The following CLCA4 variants were observed in gnomAD, a reference collection of about 807,000 sequenced individuals.
CLCA4 encodes chloride channel accessory 4, also known as calcium-activated chloride channel regulator 4.
CLCA4 carries 69 observed loss-of-function variants against 78.9 expected under a neutral mutation model. The observed-to-expected ratio is 0.87, with a 90% confidence interval of 0.72 to 1.07. The LOEUF (loss-of-function observed/expected upper bound fraction) is 1.07. Among genes scored for constraint, CLCA4 ranks in the 50% least tolerant of loss-of-function variants. The probability of loss-of-function intolerance (pLI) is 0.00; values close to 1 mark genes in which losing one functional copy is unlikely to be tolerated. For synonymous variants in CLCA4, 362 were observed against 375.8 expected, an observed-to-expected ratio of 0.96 and a Z score of 0.42; for missense variants, 1,133 against 1,095.8, an observed-to-expected ratio of 1.03 and a Z score of -0.48.
At chr1:86,562,391 A>T (rs1446735618) in intron 3 of CLCA4, among the ~76,000 whole-genome samples, 3 of 152,196 alleles carry the variant, frequency 2.0e-5, no homozygotes, top group Non-Finnish European at 4.4e-5. Context: ...ACCTGAAACC[A>T]GTGTTTTTAA....
chr1:86,575,559 T>G lies in CLCA4; in HGVS notation c.1911T>G (p.Asn637Lys). The change falls in exon 11 of 14, where the codon AAT becomes AAG. Residue 637 changes from asparagine to lysine, a missense_variant. Asn to Lys is a moderately conservative substitution (Grantham distance 94). Coordinates refer to ENST00000370563, the MANE Select transcript of CLCA4 (RefSeq NM_012128.4). Reference protein sequence around the residue: ...ANVTAFIESQNGHTEVLELLD... With the variant: ...ANVTAFIESQKGHTEVLELLD... ...TGACTGCTTTCATTGAATCACAGAA[T>G]GGACATACAGAAGTTTTGGAACTTT... 6.2e-7 allele frequency: 1 copy of G among 1,613,252 alleles called. No homozygotes were observed. The highest frequency in any genetic ancestry group is 8.5e-7 in the Non-Finnish European group (1 of 1,179,480).
chr1:86,565,492 T>C (rs1300405021), intron 5 of CLCA4, 41 bp downstream of exon 5: 5 of 1,417,756 alleles, frequency 3.5e-6, no homozygotes, highest in Non-Finnish European at 3.9e-6. Context: ...TATAATCAAA[T>C]GACATATTGT....
Position 86,559,838 on chromosome 1 carries a change from C to A in CLCA4, c.160-94C>A, listed in dbSNP as rs535376404. On this transcript the variant is annotated intron_variant, in intron 1 of 13. Coordinates refer to ENST00000370563, the MANE Select transcript of CLCA4 (RefSeq NM_012128.4). ...ACTCATCAGTCTGTTGCTTTTCTGT[C>A]CACTCTTAAGTTGGGAAATGCCTGT... 1.3e-4 allele frequency: 122 copies of A among 953,132 alleles called. No homozygotes were observed. In the African/African-American group the frequency reaches 1.7e-3, roughly 13 times the overall value. 59.0% of individuals were successfully genotyped at this position (953,132 alleles called of 1,614,324 possible). A position where few individuals can be genotyped will look rare whatever the true frequency, so the allele number is the denominator to read the frequency against.
In CLCA4 at chr1:86,567,606, T is replaced by C; in HGVS notation, c.1137T>C (p.Pro379=). 1 of 1,612,962 alleles carries C rather than the reference T, an allele frequency of 6.2e-7. No individual in the cohort carries two copies. The highest frequency in any genetic ancestry group is 8.5e-7 in the Non-Finnish European group (1 of 1,179,240). The change falls in exon 7 of 14, where the codon CCT becomes CCC. Residue 379 remains proline (P), a synonymous_variant. Transcript: ENST00000370563. ...TCATGGCAGGATTACCTACATATCC[T>C]CTGGGAGGAACTTCCATCTGCTCTG... ...NTLMAGLPTY[P]LGGTSICSGI...
chr1:86,556,399 T>C (rs79332778), intron 1 of CLCA4, among the ~76,000 whole-genome samples: 8,448 of 151,674 alleles, frequency 0.056, 334 homozygotes, highest in Middle Eastern at 0.14. Flanking sequence ...GTTATTGTGG[T>C]GTTGAATTAT....
intron 3 of CLCA4, 93 bp from the exon 4 acceptor site, chr1:86,563,568 A>G: frequency 5.2e-6 from 3 of 579,898 alleles, no homozygotes; most frequent in Non-Finnish European, 8.8e-6. Flanking sequence ...CGAAATCTAA[A>G]TATATTTTAT....
chr1:86,564,886 A>T (rs1184902350), intron 4 of CLCA4, among the ~76,000 whole-genome samples: 1 of 152,096 alleles, frequency 6.6e-6, no homozygotes, highest in Non-Finnish European at 1.5e-5. Flanking sequence ...TTTGGAAGGA[A>T]ATCTACAAAG....
chr1:86,557,061 C>G (rs1035970844), intron 1 of CLCA4, among the ~76,000 whole-genome samples: 2 of 151,932 alleles, frequency 1.3e-5, no homozygotes, highest in East Asian at 1.9e-4. Flanking sequence ...TATTTCCAAT[C>G]CTGTTTATTT....
intron 1 of CLCA4, among the ~76,000 whole-genome samples, chr1:86,549,353 T>C (rs991463368): frequency 6.6e-6 from 1 of 152,062 alleles, no homozygotes; most frequent in Admixed American, 6.5e-5. Context: ...AAGCATAGGG[T>C]GAGCTGAAGT....
chr1:86,559,827 T>G, intron 1 of CLCA4, 105 bp from the exon 2 acceptor site: 1 of 855,934 alleles, frequency 1.2e-6, no homozygotes, highest in Non-Finnish European at 1.9e-6. Flanking sequence ...ATCAGTCTGT[T>G]GCTTTTCTGT....
intron 4 of CLCA4, among the ~76,000 whole-genome samples, chr1:86,565,017 G>A (rs930249355): frequency 1.3e-5 from 2 of 152,064 alleles, no homozygotes; most frequent in African/African-American, 4.8e-5. Flanking sequence ...AATACAAGGA[G>A]AGAACTCATT....
Position 86,575,505 on chromosome 1 carries a change from A to G in CLCA4, c.1857A>G (p.Gln619=), listed in dbSNP as rs1420293979. The G allele has an allele frequency of 1.9e-6, 3 of 1,613,490 alleles. No homozygotes were observed. The highest frequency in any genetic ancestry group is 1.1e-5 in the South Asian group (1 of 91,082). ...SPMIVYAEIL[Q]GYVPVLGANV... is the part of the protein sequence containing the mutation. ...TGATTGTTTACGCAGAAATTCTACA[A>G]GGATATGTACCTGTTCTTGGAGCCA... is the stretch of plus-strand genomic sequence containing the variant. The change falls in exon 11 of 14, where the codon CAA becomes CAG. Residue 619 remains glutamine (Q), a synonymous_variant. Transcript: ENST00000370563.
chr1:86,552,520 C>A, intron 1 of CLCA4: 1 of 508,214 alleles, frequency 2.0e-6, no homozygotes, highest in Non-Finnish European at 3.5e-6. Context: ...GCAGACAGGG[C>A]AGCAAGGCTG....
At chr1:86,570,910 C>T (rs1019669944) in intron 7 of CLCA4, among the ~76,000 whole-genome samples, 167 bp from the exon 8 acceptor site, 2 of 152,074 alleles carry the variant, frequency 1.3e-5, no homozygotes, top group Non-Finnish European at 2.9e-5. Context: ...TCATGTTTAA[C>T]TTTCCCCAAG....
At position 86,567,530 on chromosome 1, in the gene CLCA4, C is replaced by A; in HGVS notation, c.1061C>A (p.Thr354Asn). ...VGMVHFDSTATIVNKLIQIKS... is the reference protein window; with the variant it reads ...VGMVHFDSTANIVNKLIQIKS... ...ATGGTTCACTTTGATAGTACTGCCACTATTGTAAATAAGCTAATCCAAATA... is the reference window on the plus strand; with the variant it reads ...ATGGTTCACTTTGATAGTACTGCCAATATTGTAAATAAGCTAATCCAAATA... Residue 354 changes from threonine to asparagine, a missense_variant, in exon 7 of 14, where the codon ACT (threonine) becomes AAT (asparagine). Coordinates refer to ENST00000370563, the MANE Select transcript of CLCA4 (RefSeq NM_012128.4). The A allele has an allele frequency of 1.2e-6, 2 of 1,613,102 alleles. No homozygotes were observed. The highest frequency in any genetic ancestry group is 1.7e-6 in the Non-Finnish European group (2 of 1,179,274).
Position 86,554,038 on chromosome 1 carries a change from A to G in CLCA4, c.160-5894A>G, listed in dbSNP as rs140239813. Among the ~76,000 whole-genome samples, 347 of 152,154 alleles carry G rather than the reference A, an allele frequency of 2.3e-3. 9 individuals are homozygous for G. In the East Asian group the frequency reaches 0.032, roughly 14 times the overall value. ...AGGGGTACATGTGAAGGTTTGTTGC[A>G]TAGGTAAACTCATGCCATGGGGGTT... On this transcript the variant is annotated intron_variant, in intron 1 of 13. Coordinates refer to ENST00000370563, the MANE Select transcript of CLCA4 (RefSeq NM_012128.4).
At chr1:86,556,573 T>C (rs1449396365) in intron 1 of CLCA4, among the ~76,000 whole-genome samples, 1 of 152,226 alleles carries the variant, frequency 6.6e-6, no homozygotes, top group Admixed American at 6.5e-5. Context: ...GGTGAGCTGC[T>C]GGATTCGGTT....
chr1:86,554,002 A>G (rs1649752997), intron 1 of CLCA4, among the ~76,000 whole-genome samples: 1 of 151,764 alleles, frequency 6.6e-6, no homozygotes, highest in South Asian at 2.1e-4. Flanking sequence ...TTTAACTTTT[A>G]TTTTGGGTTC....
chr1:86,554,901 G>C (rs1452324656), intron 1 of CLCA4, among the ~76,000 whole-genome samples: 1 of 150,668 alleles, frequency 6.6e-6, no homozygotes, highest in Non-Finnish European at 1.5e-5. Context: ...CATTCTAACT[G>C]GTATGAGATG....
Sources: gnomAD v4.1 joint callset for allele counts (sites outside exome capture counted in the v4.1 genomes callset) on GRCh38, gnomAD v4.1.1 for gene constraint, MANE v1.5 for transcripts, NCBI Gene and HGNC (gene_info 2026-07-23, HGNC 2026-07-21) for gene names.